The following PTPRD variants were observed in gnomAD, a reference collection of about 807,000 sequenced individuals.
PTPRD encodes receptor-type tyrosine-protein phosphatase delta.
In PTPRD, 34 loss-of-function variants were observed where a neutral mutation model predicts 214.5. The ratio of observed to expected loss-of-function variants is 0.16; its 90% confidence interval spans 0.12 to 0.21. PTPRD has a LOEUF of 0.21. Among genes scored for constraint, PTPRD ranks in the 10% least tolerant of loss-of-function variants. The pLI is 1.00. For missense variants in PTPRD, 2,545 were observed against 2,398.7 expected (o/e 1.06, Z -1.27); for synonymous variants, 1,128 against 845.7 (o/e 1.33, Z -5.79).
chr9:9,184,373 C>CAT (rs1385012608), intron 9 of PTPRD, among the ~76,000 whole-genome samples: 13 of 152,062 alleles, frequency 8.5e-5, no homozygotes, highest in Admixed American at 7.2e-4. Flanking sequence ...GAACATCTTG[C>CAT]ATATGATCCT....
intron 30 of PTPRD, among the ~76,000 whole-genome samples, chr9:8,472,461 T>C (rs955801882): frequency 6.6e-6 from 1 of 152,158 alleles, no homozygotes; most frequent in Non-Finnish European, 1.5e-5. Flanking sequence ...ATAAACTCAG[T>C]AAACTCTCTG....
Position 8,882,254 on chromosome 9 carries a change from A to G in PTPRD, c.-104+136443T>C, listed in dbSNP as rs2098452522. Reference sequence around the variant, plus strand: ...TTTCTCCTGGATTAGATTTATTTTTATATTGATCTTATAGTATCTCACTTT... The same window carrying G: ...TTTCTCCTGGATTAGATTTATTTTTGTATTGATCTTATAGTATCTCACTTT... On this transcript the variant is annotated intron_variant, in intron 11 of 45. Coordinates refer to ENST00000381196, the MANE Select transcript of PTPRD (RefSeq NM_002839.4). 2.6e-5 allele frequency among the ~76,000 whole-genome samples: 4 copies of G among 152,096 alleles called. No homozygotes were observed. In the South Asian group the frequency reaches 8.3e-4, roughly 32 times the overall value.
chr9:9,962,184 A>G (rs1053187807), intron 4 of PTPRD, among the ~76,000 whole-genome samples: 1 of 152,146 alleles, frequency 6.6e-6, no homozygotes, highest in African/African-American at 2.4e-5. Context: ...CAAGCAATGA[A>G]GGCTGAACAT....
At chr9:9,566,123 T>C (rs2084447471) in intron 8 of PTPRD, among the ~76,000 whole-genome samples, 1 of 152,114 alleles carries the variant, frequency 6.6e-6, no homozygotes, top group South Asian at 2.1e-4. Flanking sequence ...TTGGTGTATA[T>C]ATATTTTTTT....
At chr9:8,370,896 G>GT (rs529945492) in intron 39 of PTPRD, among the ~76,000 whole-genome samples, 65 of 152,058 alleles carry the variant, frequency 4.3e-4, no homozygotes, top group Non-Finnish European at 7.8e-4. Context: ...GGCCTCTGCT[G>GT]TTTTTTCTTC....
intron 43 of PTPRD, among the ~76,000 whole-genome samples, chr9:8,334,064 A>C (rs1259257370): frequency 1.3e-5 from 2 of 152,154 alleles, no homozygotes; most frequent in Non-Finnish European, 2.9e-5. Flanking sequence ...CTACAAAGAG[A>C]CTTAGACTCC....
chr9:8,760,238 G>A (rs1456562214), intron 11 of PTPRD, among the ~76,000 whole-genome samples: 1 of 151,774 alleles, frequency 6.6e-6, no homozygotes, highest in Non-Finnish European at 1.5e-5. Context: ...AGCTTAGTCA[G>A]AATTTTAAAT....
At chr9:10,507,362 G>A (rs949272573) in intron 2 of PTPRD, among the ~76,000 whole-genome samples, 7 of 152,036 alleles carry the variant, frequency 4.6e-5, no homozygotes, top group Admixed American at 3.3e-4. Context: ...TCATGAAAAT[G>A]GCCATATTGC....
At chr9:10,059,821 A>G (rs1221230641) in intron 3 of PTPRD, among the ~76,000 whole-genome samples, 1 of 151,730 alleles carries the variant, frequency 6.6e-6, no homozygotes, top group South Asian at 2.1e-4. Context: ...TGGATATTTT[A>G]AGAGTATGGA....
chr9:9,220,135 T>G (rs1055484198), intron 9 of PTPRD, among the ~76,000 whole-genome samples: 7 of 151,998 alleles, frequency 4.6e-5, no homozygotes, highest in Non-Finnish European at 8.8e-5. Flanking sequence ...AATTAAATAT[T>G]TGGATGAAAA....
At chr9:8,512,327 C>T (rs2097698768) in intron 21 of PTPRD, among the ~76,000 whole-genome samples, 2 of 152,104 alleles carry the variant, frequency 1.3e-5, no homozygotes, top group South Asian at 4.1e-4. Flanking sequence ...ATCTTATTCT[C>T]AACAGTCATT....
chr9:10,492,575 G>C (rs2040674159), intron 2 of PTPRD, among the ~76,000 whole-genome samples: 1 of 151,980 alleles, frequency 6.6e-6, no homozygotes, highest in African/African-American at 2.4e-5. Flanking sequence ...TCTTTTTCTT[G>C]TAAATTTGTT....
At chr9:8,713,550 C>G (rs1277476120) in intron 12 of PTPRD, 2 of 1,344,570 alleles carry the variant, frequency 1.5e-6, no homozygotes, top group African/African-American at 2.9e-5. Context: ...ACTTCGGGAT[C>G]TGGCTGCGCT....
At chr9:9,600,852 G>A (rs938493244) in intron 7 of PTPRD, among the ~76,000 whole-genome samples, 2 of 152,060 alleles carry the variant, frequency 1.3e-5, no homozygotes, top group Non-Finnish European at 2.9e-5. Context: ...TGATAAGGAT[G>A]TGTCAACTAA....
intron 8 of PTPRD, among the ~76,000 whole-genome samples, chr9:9,499,115 G>A (rs889313102): frequency 4.6e-5 from 7 of 152,022 alleles, no homozygotes; most frequent in Non-Finnish European, 8.8e-5. Context: ...AATCAACAAT[G>A]AGCATAGATT....
At chr9:8,386,330 T>C (rs1009423943) in intron 37 of PTPRD, among the ~76,000 whole-genome samples, 16 of 152,214 alleles carry the variant, frequency 1.1e-4, no homozygotes, top group African/African-American at 3.6e-4. Context: ...CTATCTTCTC[T>C]TCTCTTTCCT....
chr9:9,604,165 C>A (rs1415758578), intron 7 of PTPRD, among the ~76,000 whole-genome samples: 1 of 151,848 alleles, frequency 6.6e-6, no homozygotes, highest in African/African-American at 2.4e-5. Flanking sequence ...GAACATAAGC[C>A]ACTGATTAAA....
intron 11 of PTPRD, among the ~76,000 whole-genome samples, chr9:8,894,064 C>G (rs1378379260): frequency 6.6e-6 from 1 of 151,952 alleles, no homozygotes; most frequent in African/African-American, 2.4e-5. Flanking sequence ...ATAAGAATAA[C>G]CAATCTAGGC....
At chr9:10,355,128 G>A (rs892753277) in intron 2 of PTPRD, among the ~76,000 whole-genome samples, 1 of 152,046 alleles carries the variant, frequency 6.6e-6, no homozygotes, top group Non-Finnish European at 1.5e-5. Flanking sequence ...TTTTGAGCTA[G>A]ATGTAAAATT....
Sources: allele counts gnomAD v4.1 joint callset (sites outside exome capture counted in the v4.1 genomes callset), GRCh38; gene constraint gnomAD v4.1.1; transcripts MANE v1.5; gene names NCBI Gene and HGNC (gene_info 2026-07-23, HGNC 2026-07-21).